Variants in NASP observed in about 807,000 individuals in gnomAD.
The protein encoded by NASP is nuclear autoantigenic sperm protein, also known as NASP histone chaperone.
NASP carries 24 observed loss-of-function variants against 89.5 expected under a neutral mutation model. The observed-to-expected ratio is 0.27, with a 90% CI of 0.19 to 0.38. NASP has a LOEUF of 0.38. Among genes scored for constraint, NASP ranks in the 10% least tolerant of loss-of-function variants. The pLI is 1.00. For missense variants in NASP, 848 were observed against 921.4 expected (o/e 0.92, Z 1.03); for synonymous variants, 306 against 324.7 (o/e 0.94, Z 0.62).
intron 1 of NASP, among the ~76,000 whole-genome samples, chr1:45,586,283 TGGTGTGTGTGTGTGTGTGTGTGTGTG>T (rs1230946487): frequency 3.6e-4 from 31 of 85,400 alleles, no homozygotes; most frequent in African/African-American, 1.7e-3. Flanking sequence ...TGTGTGTGTG[TGGTGTGTGTGTGTGTGTGTGTGTGTG>T]GTGTGTGTGT....
intron 7 of NASP, among the ~76,000 whole-genome samples, chr1:45,613,574 T>G (rs892804276): frequency 3.3e-5 from 5 of 152,198 alleles, no homozygotes; most frequent in African/African-American, 1.2e-4. Context: ...TTTAGCCTCC[T>G]GGGTTCAAGG....
intron 9 of NASP, 104 bp from the exon 10 acceptor site, chr1:45,614,909 G>T: frequency 1.0e-6 from 1 of 985,476 alleles, no homozygotes; most frequent in Non-Finnish European, 1.5e-6. Flanking sequence ...AAACAAAAAT[G>T]GAATGTTAAA....
At chr1:45,612,427 C>T (rs114326524) in intron 6 of NASP, 2 of 152,158 alleles carry the variant, frequency 1.3e-5, no homozygotes, top group African/African-American at 2.4e-5. Flanking sequence ...AATCACTTAA[C>T]ATTGTTGATT....
intron 6 of NASP, chr1:45,612,919 A>G (rs1478660350): frequency 8.8e-6 from 3 of 339,946 alleles, no homozygotes; most frequent in East Asian, 1.1e-4. Flanking sequence ...GTTGACTTTT[A>G]TAAGAGAAAC....
chr1:45,585,298 C>A (rs1424003198), intron 1 of NASP, among the ~76,000 whole-genome samples: 2 of 151,982 alleles, frequency 1.3e-5, no homozygotes, highest in Non-Finnish European at 2.9e-5. Context: ...AGGTTAGTTG[C>A]CTTCCCTGTA....
intron 4 of NASP, 72 bp downstream of exon 4, chr1:45,605,088 G>C: frequency 8.2e-7 from 1 of 1,224,130 alleles, no homozygotes; most frequent in Non-Finnish European, 1.2e-6. Context: ...TTTCACAGGA[G>C]CTAAGCAAGA....
intron 1 of NASP, among the ~76,000 whole-genome samples, chr1:45,586,276 GTGTGTGTGGTGTGTGTGTGT>G (rs1644540533): frequency 3.9e-5 from 2 of 50,940 alleles, no homozygotes; most frequent in African/African-American, 1.4e-4. Context: ...GTGTGTGTGT[GTGTGTGTGGTGTGTGTGTGT>G]GTGTGTGTGT....
At chr1:45,588,853 C>T (rs1202476337) in intron 1 of NASP, 4 of 244,556 alleles carry the variant, frequency 1.6e-5, no homozygotes, top group Non-Finnish European at 2.5e-5. Flanking sequence ...GGAGGCGGAG[C>T]TTGCAGTGAG....
intron 5 of NASP, 44 bp downstream of exon 5, chr1:45,606,635 T>C: frequency 7.5e-7 from 1 of 1,341,456 alleles, no homozygotes; most frequent in Non-Finnish European, 1.1e-6. Flanking sequence ...CGACGTTGTA[T>C]ATTTCTTGTA....
intron 1 of NASP, among the ~76,000 whole-genome samples, chr1:45,585,377 CT>C (rs919235519): frequency 2.6e-5 from 4 of 151,992 alleles, no homozygotes; most frequent in African/African-American, 9.7e-5. Context: ...ATGATTATGT[CT>C]TTGTTTGTTT....
chr1:45,586,284 G>GTGTGTGGTGT (rs1202771599), intron 1 of NASP, among the ~76,000 whole-genome samples: 2 of 100,532 alleles, frequency 2.0e-5, no homozygotes, highest in African/African-American at 8.9e-5. Flanking sequence ...GTGTGTGTGT[G>GTGTGTGGTGT]GTGTGTGTGT....
chr1:45,600,566 C>T (rs570323551), intron 2 of NASP: 1 of 693,830 alleles, frequency 1.4e-6, no homozygotes, highest in Admixed American at 5.9e-5. Context: ...TAGTGAATGA[C>T]ATTTTATGAT....
intron 1 of NASP, among the ~76,000 whole-genome samples, chr1:45,590,906 A>G (rs1322915164): frequency 6.6e-6 from 1 of 152,156 alleles, no homozygotes; most frequent in East Asian, 1.9e-4. Context: ...TTTGTAGATA[A>G]GGATCCAAGA....
intron 11 of NASP, chr1:45,615,725 C>G: frequency 2.3e-6 from 1 of 427,676 alleles, no homozygotes; most frequent in South Asian, 3.2e-5. Context: ...GGGGATAATA[C>G]AGGTTGAGTA....
intron 13 of NASP, 76 bp from the exon 14 acceptor site, chr1:45,617,387 G>C (rs1162052509): frequency 6.6e-7 from 1 of 1,523,746 alleles, no homozygotes; most frequent in African/African-American, 1.4e-5. Context: ...CACCACAAGG[G>C]TTAAGGAAAT....
At chr1:45,611,756 G>C (rs3014251) in intron 6 of NASP, 109,255 of 151,678 alleles carry the variant, frequency 0.72, 39,463 homozygotes, top group African/African-American at 0.76. Flanking sequence ...GTGAGCCACC[G>C]CGCCTGGCAG....
chr1:45,605,038 A>G, intron 4 of NASP, 22 bp downstream of exon 4: 1 of 1,556,174 alleles, frequency 6.4e-7, no homozygotes, highest in Non-Finnish European at 8.9e-7. Flanking sequence ...GTATTTAAAA[A>G]CTGAAGTTTC....
intron 13 of NASP, chr1:45,617,162 TTC>T: frequency 2.9e-6 from 1 of 339,664 alleles, no homozygotes. Context: ...TGAACTCCTG[TTC>T]TGTTTCCTGA....
chr1:45,603,753 G>A (rs1230684298), intron 3 of NASP, among the ~76,000 whole-genome samples: 2 of 151,988 alleles, frequency 1.3e-5, no homozygotes, highest in African/African-American at 4.8e-5. Context: ...GGGATTACAG[G>A]CATGCATCAC....
Sources: gnomAD v4.1 joint callset for allele counts (sites outside exome capture counted in the v4.1 genomes callset) on GRCh38, gnomAD v4.1.1 for gene constraint, MANE v1.5 for transcripts, NCBI Gene and HGNC (gene_info 2026-07-23, HGNC 2026-07-21) for gene names.